NFYB: variants seen among roughly 807,000 people sequenced by gnomAD.
NFYB encodes nuclear transcription factor Y subunit beta, also known as CAAT box DNA-binding protein subunit B.
A neutral mutation model predicts 28.0 loss-of-function variants in NFYB; 13 were observed. The ratio of observed to expected loss-of-function variants is 0.46; its 90% confidence interval spans 0.30 to 0.74. The LOEUF is 0.74. Among genes scored for constraint, NFYB ranks in the 30% least tolerant of loss-of-function variants. The pLI is 0.07. For missense variants in NFYB, 142 were observed against 247.6 expected (o/e 0.57, Z 2.86); for synonymous variants, 74 against 75.0 (o/e 0.99, Z 0.07).
At chr12:104,122,304 T>C (rs1328199574) in intron 5 of NFYB, among the ~76,000 whole-genome samples, 1 of 152,252 alleles carries the variant, frequency 6.6e-6, no homozygotes, top group East Asian at 1.9e-4. Flanking sequence ...CCTGGTAGTC[T>C]GAATACAAAG....
At chr12:104,133,119 T>C (rs994647656) in intron 2 of NFYB, among the ~76,000 whole-genome samples, 4 of 152,218 alleles carry the variant, frequency 2.6e-5, no homozygotes. Context: ...CACAAACAAA[T>C]ACTGCCCTCT....
chr12:104,123,462 C>A (rs1349708196), intron 4 of NFYB, 39 bp from the exon 5 acceptor site: 2 of 1,540,232 alleles, frequency 1.3e-6, no homozygotes, highest in Non-Finnish European at 1.8e-6. Flanking sequence ...GAAACTATAA[C>A]CATCACCTTC....
chr12:104,125,614 C>T (rs1343781030), intron 4 of NFYB, among the ~76,000 whole-genome samples: 2 of 152,018 alleles, frequency 1.3e-5, no homozygotes, highest in Non-Finnish European at 2.9e-5. Context: ...TTTGGTAGGC[C>T]AAGGCGGATG....
rs1323101676 is a variant in NFYB at position 104,128,633 on chromosome 12, G to A, written c.7-116C>T. On this transcript the variant is annotated intron_variant, in intron 2 of 7. Coordinates refer to ENST00000240055, the MANE Select transcript of NFYB (RefSeq NM_006166.4). ...TCAATTATACTTTTCATAGCCTTAAGCTTACTAAAAGAGAATTTATATTTC... is the reference window on the plus strand; with the variant it reads ...TCAATTATACTTTTCATAGCCTTAAACTTACTAAAAGAGAATTTATATTTC... 4 of 582,476 alleles carry A rather than the reference G, an allele frequency of 6.9e-6. No homozygotes were observed. In the African/African-American group the frequency reaches 7.6e-5, roughly 11 times the overall value. The allele number at this position is 582,476 out of a possible 1,614,324, so 36.1% of individuals were successfully genotyped here. A position where few individuals can be genotyped will look rare whatever the true frequency, so the allele number is the denominator to read the frequency against.
intron 2 of NFYB, among the ~76,000 whole-genome samples, chr12:104,132,995 A>G (rs2030978911): frequency 6.6e-6 from 1 of 152,248 alleles, no homozygotes; most frequent in Non-Finnish European, 1.5e-5. Flanking sequence ...CTCATTATTT[A>G]GTTGAATTGA....
intron 2 of NFYB, 176 bp from the exon 3 acceptor site, chr12:104,128,693 G>T (rs970137717): frequency 6.2e-6 from 2 of 324,538 alleles, no homozygotes; most frequent in South Asian, 3.8e-5. Context: ...TTGAGACAGG[G>T]TCTTACTCTG....
chr12:104,123,200 AGC>A, intron 5 of NFYB, 24 bp downstream of exon 5: 1 of 1,548,346 alleles, frequency 6.5e-7, no homozygotes, highest in Non-Finnish European at 8.8e-7. Flanking sequence ...GAAAAAAAAA[AGC>A]ACAATGGGAG....
chr12:104,131,733 G>A (rs539306137), intron 2 of NFYB: 1 of 456,002 alleles, frequency 2.2e-6, no homozygotes, highest in Admixed American at 2.3e-5. Flanking sequence ...AATATTTACT[G>A]AGTGAGCGCT....
intron 2 of NFYB, among the ~76,000 whole-genome samples, chr12:104,132,851 A>C (rs2030973567): frequency 6.6e-6 from 1 of 152,232 alleles, no homozygotes; most frequent in South Asian, 2.1e-4. Context: ...TCATCCAGGT[A>C]ATGAGGCTGG....
chr12:104,121,231 A>T lies in NFYB; in HGVS notation c.511+9T>A. 2.5e-6 allele frequency: 4 copies of T among 1,603,216 alleles called. No individual in the cohort carries two copies. The highest frequency in any genetic ancestry group is 3.4e-6 in the Non-Finnish European group (4 of 1,171,974). On this transcript the variant is annotated intron_variant, in intron 6 of 7. Coordinates refer to ENST00000240055, the MANE Select transcript of NFYB (RefSeq NM_006166.4). ...CAATCTACATGACTTGTATTATAAC[A>T]ATGCTTACTAAATGCCTCCTCTGTA...
chr12:104,117,229 T>G lies in NFYB; in HGVS notation c.*2508A>C, dbSNP rs750965915. The G allele has an allele frequency of 8.5e-5, 13 of 152,134 alleles. No homozygotes were observed. Among genetic ancestry groups the G allele is most frequent in the Non-Finnish European group, 1.8e-4 (12 of 68,024 alleles). 9.4% of individuals were successfully genotyped at this position (152,134 alleles called of 1,614,324 possible). On this transcript the variant is annotated 3_prime_UTR_variant, in exon 8 of 8. Coordinates refer to ENST00000240055, the MANE Select transcript of NFYB (RefSeq NM_006166.4). ...GCTCTGACAAGCATAAATTAGGATA[T>G]TATGCACCTGACACATTCAGAATGT... is the stretch of plus-strand genomic sequence containing the variant.
intron 2 of NFYB, among the ~76,000 whole-genome samples, chr12:104,132,352 C>T (rs1032003565): frequency 1.3e-5 from 2 of 151,678 alleles, no homozygotes; most frequent in Non-Finnish European, 2.9e-5. Flanking sequence ...AAGCAGTGTC[C>T]GGTGGACAAG....
chr12:104,135,574 G>T, intron 1 of NFYB, 42 bp from the exon 2 acceptor site: 1 of 775,806 alleles, frequency 1.3e-6, no homozygotes, highest in Non-Finnish European at 2.0e-6. Flanking sequence ...TCTATCAATA[G>T]TAAAAATACA....
At chr12:104,126,305 A>C (rs2030713801) in intron 3 of NFYB, 61 bp from the exon 4 acceptor site, 2 of 1,263,078 alleles carry the variant, frequency 1.6e-6, no homozygotes, top group East Asian at 5.5e-5. Context: ...AAGATAGAAA[A>C]AACTACCAAA....
Position 104,127,663 on chromosome 12 carries a change from C to CTTTTTT in NFYB, c.100+755_100+760dup, listed in dbSNP as rs71069719. On this transcript the variant is annotated intron_variant, in intron 3 of 7. Coordinates refer to ENST00000240055, the MANE Select transcript of NFYB (RefSeq NM_006166.4). The stretch of plus-strand genomic sequence containing the variant: ...TTCTGATAGGCCAACATAACACTGC[C>CTTTTTT]TTTTTTTTTTTTTTTTTTTTTGGAG... Among the ~76,000 whole-genome samples, 23 of 92,902 alleles carry CTTTTTT rather than the reference C, an allele frequency of 2.5e-4. 1 individual carries two copies. Among genetic ancestry groups the CTTTTTT allele is most frequent in the African/African-American group, 1.1e-3 (23 of 21,560 alleles). 60.9% of individuals were successfully genotyped at this position (92,902 alleles called of 152,430 possible).
chr12:104,135,850 C>A (rs529329937), intron 1 of NFYB, among the ~76,000 whole-genome samples: 1 of 152,128 alleles, frequency 6.6e-6, no homozygotes, highest in African/African-American at 2.4e-5. Context: ...AAAAAGGGAC[C>A]AAATTATATA....
At chr12:104,138,012 G>C (rs977387630) in intron 1 of NFYB, 129 bp downstream of exon 1, 1 of 146,440 alleles carries the variant, frequency 6.8e-6, no homozygotes, top group Non-Finnish European at 1.5e-5. Flanking sequence ...GCGCGGGAGG[G>C]CGGGAGGCTA....
intron 2 of NFYB, among the ~76,000 whole-genome samples, chr12:104,135,054 A>C (rs1434608495): frequency 1.3e-5 from 2 of 152,176 alleles, no homozygotes; most frequent in Admixed American, 6.5e-5. Flanking sequence ...TTCAAGGCTC[A>C]GTTCAAGGTC....
rs559318262 is a variant in NFYB, at chr12:104,136,096, T to C, written c.-79-564A>G. Among the ~76,000 whole-genome samples, 4 of 152,270 alleles carry C rather than the reference T, an allele frequency of 2.6e-5. No individual in the cohort carries two copies. In the South Asian group the frequency reaches 8.3e-4, roughly 32 times the overall value. ...AGATACATTCTGCACTGAGAAGATA[T>C]CAAAAAAGCAACACAATCAAGACCC... On this transcript the variant is annotated intron_variant, in intron 1 of 7. Transcript: ENST00000240055.
Sources: allele counts gnomAD v4.1 joint callset (sites outside exome capture counted in the v4.1 genomes callset), GRCh38; gene constraint gnomAD v4.1.1; transcripts MANE v1.5; gene names NCBI Gene and HGNC (gene_info 2026-07-23, HGNC 2026-07-21).